PRH1: variants seen among roughly 807,000 people sequenced by gnomAD.
The protein encoded by PRH1 is salivary acidic proline-rich phosphoprotein 1/2.
A neutral mutation model predicts 7.9 loss-of-function variants in PRH1; 7 were observed. The observed-to-expected ratio is 0.89, with a 90% CI of 0.50 to 1.67. The LOEUF is 1.67. Ranked by LOEUF, PRH1 falls within the 40% of genes most tolerant of loss-of-function variation. The probability of loss-of-function intolerance (pLI) is 0.00; values close to 1 mark genes in which losing one functional copy is unlikely to be tolerated. For synonymous variants in PRH1, 45 were observed against 80.8 expected, an observed-to-expected ratio of 0.56 and a Z score of 2.38; for missense variants, 109 against 223.6, an observed-to-expected ratio of 0.49 and a Z score of 3.27.
Position 11,163,166 on chromosome 12 carries a change from C to T in PRH1, n.39+8256G>A, listed in dbSNP as rs148258901. Among the ~76,000 whole-genome samples the T allele has an allele frequency of 2.9e-3, 432 of 151,048 alleles. 1 individual carries two copies. Among genetic ancestry groups the T allele is most frequent in the Non-Finnish European group, 5.0e-3 (338 of 67,798 alleles). On this transcript the variant is annotated intron_variant and non_coding_transcript_variant, in intron 1 of 1. Transcript: ENST00000541175. The stretch of plus-strand genomic sequence containing the variant: ...ACAGAGAATATTAGCATGGCCCCTT[C>T]CATATCTTAAATTTTTAAAAGCAAT...
intron 2 of PRH1, among the ~76,000 whole-genome samples, chr12:10,893,595 A>C (rs915019459): frequency 3.9e-5 from 6 of 152,230 alleles, no homozygotes; most frequent in African/African-American, 1.4e-4. Context: ...CATCCTTTGC[A>C]CATGGAAATC....
At chr12:10,887,466 T>C (rs1026129702), upstream of PRH1, among the ~76,000 whole-genome samples, 1 of 152,158 alleles carries the variant, frequency 6.6e-6, no homozygotes, top group Non-Finnish European at 1.5e-5. Context: ...TTCTATATTT[T>C]TAAATTTGAT....
upstream of PRH1, among the ~76,000 whole-genome samples, chr12:10,887,376 G>A (rs561241010): frequency 6.3e-4 from 96 of 152,214 alleles, no homozygotes; most frequent in Non-Finnish European, 1.2e-3. Flanking sequence ...AAACACAATA[G>A]TCTCTGAGAC....
rs533258289 is a variant in PRH1 at position 10,918,571 on chromosome 12, A to C, written c.-58-34296T>G. On this transcript the variant is annotated intron_variant, in intron 2 of 3. Transcript: ENST00000539853. ...CAAAAAGCAGGTTATAATCTATATA[A>C]ACATTTAAGACTTTTATTAATATTG... is the stretch of plus-strand genomic sequence containing the variant. 5.3e-5 allele frequency among the ~76,000 whole-genome samples: 8 copies of C among 152,338 alleles called. No individual in the cohort carries two copies. The East Asian group carries it at 1.5e-3, about 29-fold the overall frequency.
At chr12:11,004,196 A>G (rs931930406) in intron 1 of PRH1, among the ~76,000 whole-genome samples, 2 of 152,118 alleles carry the variant, frequency 1.3e-5, no homozygotes, top group Admixed American at 1.3e-4. Flanking sequence ...ATATTTATAT[A>G]AAATATAATT....
chr12:11,143,978 G>T (rs1946790582), intron 1 of PRH1, among the ~76,000 whole-genome samples: 1 of 152,210 alleles, frequency 6.6e-6, no homozygotes, highest in East Asian at 1.9e-4. Flanking sequence ...ACCAGTGCAT[G>T]TTCCAGTTGA....
chr12:11,031,559 C>T (rs1403889834), intron 1 of PRH1, among the ~76,000 whole-genome samples: 2 of 151,962 alleles, frequency 1.3e-5, no homozygotes, highest in African/African-American at 2.4e-5. Context: ...GCGACCCAGG[C>T]AGGTTGCTGC....
chr12:10,909,811 T>C (rs909591685), intron 2 of PRH1, among the ~76,000 whole-genome samples: 1 of 152,224 alleles, frequency 6.6e-6, no homozygotes, highest in Non-Finnish European at 1.5e-5. Flanking sequence ...GACTTACCTA[T>C]GCTATTTCAA....
At chr12:11,169,378 A>G (rs1301703340) in intron 1 of PRH1, among the ~76,000 whole-genome samples, 1 of 152,200 alleles carries the variant, frequency 6.6e-6, no homozygotes, top group Non-Finnish European at 1.5e-5. Flanking sequence ...CTTCAGCTCT[A>G]GAGCATTAAG....
intron 1 of PRH1, among the ~76,000 whole-genome samples, chr12:11,016,508 G>GT (rs566257138): frequency 4.9e-4 from 74 of 151,552 alleles, no homozygotes; most frequent in Non-Finnish European, 1.0e-3. Flanking sequence ...TGTTTTTTCT[G>GT]TTTTTTAGTT....
chr12:11,069,100 T>A (rs1943949890), intron 1 of PRH1, among the ~76,000 whole-genome samples: 2 of 149,066 alleles, frequency 1.3e-5, no homozygotes, highest in African/African-American at 4.9e-5. Context: ...ATATTTTTGC[T>A]AGAGACTGGG....
rs780063069 is a variant in PRH1, at chr12:11,061,634, T to C, written n.124-14446A>G. ...TGCAAAGCTTTTATGTGGACCTTCA[T>C]GCTGGGATCTTGAGATCCTTTGCCA... On this transcript the variant is annotated intron_variant and non_coding_transcript_variant, in intron 1 of 4. Transcript: ENST00000541977. 3.7e-6 allele frequency: 6 copies of C among 1,613,994 alleles called. No individual in the cohort carries two copies. The South Asian group carries it at 6.6e-5, about 18-fold the overall frequency.
chr12:11,122,014 CAT>C (rs1173388718), intron 1 of PRH1, among the ~76,000 whole-genome samples: 1 of 152,182 alleles, frequency 6.6e-6, no homozygotes, highest in African/African-American at 2.4e-5. Context: ...AATAAACATA[CAT>C]ATATATGTGA....
intron 2 of PRH1, among the ~76,000 whole-genome samples, chr12:10,899,774 C>T (rs755227520): frequency 6.6e-6 from 1 of 152,020 alleles, no homozygotes; most frequent in Non-Finnish European, 1.5e-5. Flanking sequence ...TATACCAACA[C>T]AAACAGACCA....
chr12:11,100,229 G>C (rs1945195480), intron 1 of PRH1, among the ~76,000 whole-genome samples: 1 of 151,914 alleles, frequency 6.6e-6, no homozygotes, highest in African/African-American at 2.4e-5. Context: ...CCTTATAAAG[G>C]GCAAGAGATG....
intron 1 of PRH1, among the ~76,000 whole-genome samples, chr12:11,128,119 A>AG (rs1181694869): frequency 6.6e-6 from 1 of 151,244 alleles, no homozygotes; most frequent in Non-Finnish European, 1.5e-5. Context: ...TCAAAAAAAA[A>AG]AAAAAGAAAA....
At chr12:11,031,138 C>T (rs1268263359) in intron 1 of PRH1, 2 of 1,614,228 alleles carry the variant, frequency 1.2e-6, no homozygotes, top group Non-Finnish European at 8.5e-7. Flanking sequence ...CAGTTGAATA[C>T]CAATTTAATA....
intron 1 of PRH1, among the ~76,000 whole-genome samples, chr12:11,014,422 T>C (rs1452406613): frequency 1.3e-5 from 2 of 152,184 alleles, no homozygotes; most frequent in Non-Finnish European, 2.9e-5. Context: ...ACATAGACTC[T>C]CTGGTGATCT....
intron 1 of PRH1, among the ~76,000 whole-genome samples, chr12:11,145,385 ATT>A (rs1014718923): frequency 5.9e-5 from 9 of 151,904 alleles, no homozygotes; most frequent in African/African-American, 2.2e-4. Context: ...TAGAGATGGG[ATT>A]TCACCATGTT....
Sources: gnomAD v4.1 joint callset for allele counts (sites outside exome capture counted in the v4.1 genomes callset) on GRCh38, gnomAD v4.1.1 for gene constraint, MANE v1.5 for transcripts, NCBI Gene and HGNC (gene_info 2026-07-23, HGNC 2026-07-21) for gene names.